The following CDH6 variants were observed in gnomAD, a reference collection of about 807,000 sequenced individuals.
CDH6 encodes cadherin 6, also known as cadherin-6.
In CDH6, 31 loss-of-function variants were observed where a neutral mutation model predicts 78.0. The ratio of observed to expected loss-of-function variants is 0.40; its 90% CI spans 0.30 to 0.54. The LOEUF (loss-of-function observed/expected upper bound fraction) is 0.54. Among genes scored for constraint, CDH6 ranks in the 20% least tolerant of loss-of-function variants. CDH6 has a pLI of 0.56. For synonymous variants in CDH6, 376 were observed against 368.8 expected (o/e 1.02, Z -0.23); for missense variants, 724 against 975.9 (o/e 0.74, Z 3.44).
chr5:31,197,102 G>T (rs1055884156), intron 1 of CDH6, among the ~76,000 whole-genome samples: 2 of 152,134 alleles, frequency 1.3e-5, no homozygotes, highest in African/African-American at 4.8e-5. Context: ...ATAAATATAT[G>T]TTGAACATCC....
At chr5:31,316,920 G>C (rs915106465) in intron 9 of CDH6, among the ~76,000 whole-genome samples, 1 of 152,166 alleles carries the variant, frequency 6.6e-6, no homozygotes, top group Non-Finnish European at 1.5e-5. Flanking sequence ...GTAATGCTAA[G>C]AGTGCATTTC....
chr5:31,321,723 C>G (rs573393557), intron 11 of CDH6, among the ~76,000 whole-genome samples: 16 of 152,198 alleles, frequency 1.1e-4, no homozygotes, highest in African/African-American at 3.9e-4. Context: ...ATTCTTATTG[C>G]AGTAATTCAG....
intron 1 of CDH6, among the ~76,000 whole-genome samples, chr5:31,213,620 T>C (rs1432126528): frequency 1.3e-5 from 2 of 152,156 alleles, no homozygotes; most frequent in South Asian, 2.1e-4. Context: ...TTTTAAAGCC[T>C]TTTCGGAAGT....
At chr5:31,274,186 C>T (rs574197275) in intron 2 of CDH6, among the ~76,000 whole-genome samples, 11 of 152,212 alleles carry the variant, frequency 7.2e-5, no homozygotes, top group Non-Finnish European at 1.3e-4. Flanking sequence ...CCATTATTGG[C>T]AATAATCCTC....
At position 31,317,885 on chromosome 5, in the gene CDH6, G is replaced by C; in HGVS notation, c.1843G>C (p.Ala615Pro). The C allele has an allele frequency of 6.2e-7, 1 of 1,613,930 alleles. No individual in the cohort carries two copies. The highest frequency in any genetic ancestry group is 8.5e-7 in the Non-Finnish European group (1 of 1,180,032). ...LIHPTGLSTG[A>P]LVAILLCIVI... is the part of the protein sequence containing the mutation. Reference sequence around the variant, plus strand: ...CCACCCCACGGGACTGAGCACGGGGGCTCTGGTTGCCATCCTTCTGTGCAT... The same window carrying C: ...CCACCCCACGGGACTGAGCACGGGGCCTCTGGTTGCCATCCTTCTGTGCAT... The change falls in exon 11 of 12, where the codon GCT (alanine) becomes CCT (proline). Residue 615 changes from alanine to proline, a missense_variant. Ala to Pro is a conservative substitution (Grantham distance 27). Transcript: ENST00000265071.
In CDH6 at chr5:31,254,229, T is replaced by A. The variant is rs189653162; in HGVS notation, c.-128-13117T>A. Among the ~76,000 whole-genome samples, 977 of 152,296 alleles carry A rather than the reference T, an allele frequency of 6.4e-3. 8 individuals carry two copies. The highest frequency in any genetic ancestry group is 0.022 in the African/African-American group (928 of 41,560). Reference sequence around the variant, plus strand: ...GTGTTCAGGTCACCCTAATTTTATATTTTAATGCCCTAAAGTGCAAAAGTA... The same window carrying A: ...GTGTTCAGGTCACCCTAATTTTATAATTTAATGCCCTAAAGTGCAAAAGTA... On this transcript the variant is annotated intron_variant, in intron 1 of 11. Transcript: ENST00000265071.
At chr5:31,277,475 A>T (rs1445132681) in intron 2 of CDH6, among the ~76,000 whole-genome samples, 2 of 152,236 alleles carry the variant, frequency 1.3e-5, no homozygotes, top group African/African-American at 4.8e-5. Context: ...CTCCTTATAT[A>T]ATTGAACCAA....
chr5:31,255,238 G>A (rs1015395537), intron 1 of CDH6, among the ~76,000 whole-genome samples: 10 of 152,302 alleles, frequency 6.6e-5, no homozygotes, highest in South Asian at 2.1e-4. Context: ...CCCTCATTGC[G>A]TTCTTGTGCC....
At chr5:31,320,287 G>A (rs1046133043) in intron 11 of CDH6, among the ~76,000 whole-genome samples, 2 of 152,216 alleles carry the variant, frequency 1.3e-5, no homozygotes, top group African/African-American at 4.8e-5. Context: ...TTTAGCTGTA[G>A]AAGAATTAGA....
intron 1 of CDH6, among the ~76,000 whole-genome samples, chr5:31,258,638 T>A (rs1233092035): frequency 2.0e-5 from 3 of 148,654 alleles, no homozygotes; most frequent in Non-Finnish European, 4.5e-5. Context: ...AAGTATAATT[T>A]AAAAAAAAAA....
At chr5:31,274,490 C>T (rs902357163) in intron 2 of CDH6, among the ~76,000 whole-genome samples, 2 of 152,196 alleles carry the variant, frequency 1.3e-5, no homozygotes, top group Non-Finnish European at 2.9e-5. Context: ...CTGTGGAATC[C>T]TAGAGCCTCC....
At chr5:31,223,728 T>C (rs1042135758) in intron 1 of CDH6, among the ~76,000 whole-genome samples, 4 of 152,214 alleles carry the variant, frequency 2.6e-5, no homozygotes, top group African/African-American at 9.6e-5. Flanking sequence ...AATATAATCA[T>C]TACTAATTAA....
In CDH6 at chr5:31,323,406, C is replaced by A. The variant is rs1355217887; in HGVS notation, c.*98C>A. The stretch of plus-strand genomic sequence containing the variant: ...ACTCCGTGAAGGCTTCTCTGTTCTA[C>A]CCGTTCCAAAAGCCAATGGCTGCAG... On this transcript the variant is annotated 3_prime_UTR_variant, in exon 12 of 12. Coordinates refer to ENST00000265071, the MANE Select transcript of CDH6 (RefSeq NM_004932.4). 6.5e-6 allele frequency: 9 copies of A among 1,393,286 alleles called. No individual in the cohort carries two copies. In the Admixed American group the frequency reaches 1.1e-4, roughly 17 times the overall value. The allele number at this position is 1,393,286 out of a possible 1,614,324, so 86.3% of individuals were successfully genotyped here. A position where few individuals can be genotyped will look rare whatever the true frequency, so the allele number is the denominator to read the frequency against.
chr5:31,322,154 T>C (rs2149961998), intron 11 of CDH6, among the ~76,000 whole-genome samples: 1 of 152,332 alleles, frequency 6.6e-6, no homozygotes, highest in South Asian at 2.1e-4. Flanking sequence ...AGAAATAATA[T>C]GGCATGTGGA....
intron 1 of CDH6, among the ~76,000 whole-genome samples, chr5:31,262,194 A>G (rs896034958): frequency 5.3e-5 from 8 of 152,336 alleles, no homozygotes; most frequent in Admixed American, 1.3e-4. Flanking sequence ...ATTAAATAAA[A>G]TCTGGACTTG....
At position 31,302,778 on chromosome 5, in the gene CDH6, A is replaced by AAGAG. The variant is rs766671272; in HGVS notation, c.999+500_999+503dup. 2.5e-3 allele frequency among the ~76,000 whole-genome samples: 160 copies of AAGAG among 64,590 alleles called. 1 individual carries two copies. The highest frequency in any genetic ancestry group is 7.9e-3 in the Middle Eastern group (1 of 126). 42.4% of individuals were successfully genotyped at this position (64,590 alleles called of 152,430 possible). A position where few individuals can be genotyped will look rare whatever the true frequency, so the allele number is the denominator to read the frequency against. ...GAAAGAAAGAAAGAAAGAAAGAAGA[A>AAGAG]AGAGAGAGAGAGAGAGAGAGAGAAA... On this transcript the variant is annotated intron_variant, in intron 6 of 11. Coordinates refer to ENST00000265071, the MANE Select transcript of CDH6 (RefSeq NM_004932.4).
chr5:31,247,711 T>C (rs1215167874), intron 1 of CDH6, among the ~76,000 whole-genome samples: 1 of 152,230 alleles, frequency 6.6e-6, no homozygotes, highest in East Asian at 1.9e-4. Context: ...TGACTTTAAA[T>C]GAAAACAAAT....
At position 31,233,706 on chromosome 5, in the gene CDH6, G is replaced by T. The variant is rs563131463; in HGVS notation, c.-128-33640G>T. Among the ~76,000 whole-genome samples the T allele has an allele frequency of 2.6e-5, 4 of 152,042 alleles. No homozygotes were observed. In the East Asian group the frequency reaches 7.7e-4, roughly 29 times the overall value. ...GCTGTTTTTTCTACTGGAAACTTCC[G>T]CCAGTTCTTCCCATGACTGGCTCAT... On this transcript the variant is annotated intron_variant, in intron 1 of 11. Transcript: ENST00000265071.
At chr5:31,280,916 A>C (rs888660761) in intron 2 of CDH6, among the ~76,000 whole-genome samples, 4 of 151,984 alleles carry the variant, frequency 2.6e-5, no homozygotes, top group Non-Finnish European at 4.4e-5. Flanking sequence ...AAAAAAAAAA[A>C]AACTAATAAA....
Sources: gnomAD v4.1 joint callset for allele counts (sites outside exome capture counted in the v4.1 genomes callset) on GRCh38, gnomAD v4.1.1 for gene constraint, MANE v1.5 for transcripts, NCBI Gene and HGNC (gene_info 2026-07-23, HGNC 2026-07-21) for gene names.